The following ALDH1L2 variants were observed in gnomAD, a reference collection of about 807,000 sequenced individuals.
ALDH1L2 encodes aldehyde dehydrogenase 1 family member L2.
ALDH1L2 carries 91 observed loss-of-function variants against 111.0 expected under a neutral mutation model. The ratio of observed to expected loss-of-function variants is 0.82; its 90% confidence interval spans 0.69 to 0.98. The LOEUF (loss-of-function observed/expected upper bound fraction) is 0.98, where lower values mean the gene tolerates loss of function less well. Among genes scored for constraint, ALDH1L2 ranks in the 50% least tolerant of loss-of-function variants. The pLI, the probability that ALDH1L2 is intolerant of heterozygous loss-of-function variation, is 0.00. For missense variants in ALDH1L2, 995 were observed against 1,126.8 expected (o/e 0.88, Z 1.67); for synonymous variants, 374 against 392.6 (o/e 0.95, Z 0.56).
chr12:105,069,933 A>C (rs767502258), intron 3 of ALDH1L2, among the ~76,000 whole-genome samples: 17 of 152,208 alleles, frequency 1.1e-4, no homozygotes, highest in Non-Finnish European at 2.1e-4. Context: ...ATGGACAGTG[A>C]AGATGATCAT....
intron 1 of ALDH1L2, among the ~76,000 whole-genome samples, chr12:105,083,931 C>CGCTT (rs1386854283): frequency 4.6e-5 from 7 of 152,194 alleles, no homozygotes; most frequent in Admixed American, 4.6e-4. Flanking sequence ...CAGTCTCGAG[C>CGCTT]GCTTACACCT....
chr12:105,077,324 G>A (rs1447120176), intron 1 of ALDH1L2, among the ~76,000 whole-genome samples: 1 of 150,244 alleles, frequency 6.7e-6, no homozygotes, highest in African/African-American at 2.5e-5. Context: ...AGGCTTGAGT[G>A]CAATGGCGCC....
intron 1 of ALDH1L2, among the ~76,000 whole-genome samples, chr12:105,082,983 T>G (rs180817030): frequency 2.0e-5 from 3 of 152,376 alleles, no homozygotes; most frequent in Non-Finnish European, 4.4e-5. Flanking sequence ...CTTTTCCATA[T>G]GCACCCCTGC....
chr12:105,026,785 G>C (rs768606210), intron 21 of ALDH1L2, 41 bp from the exon 22 acceptor site: 1 of 1,601,906 alleles, frequency 6.2e-7, no homozygotes, highest in Admixed American at 1.7e-5. Flanking sequence ...TAAATGTAAA[G>C]CAAAAGACTC....
rs369050517 is a variant in ALDH1L2, at chr12:105,062,763, C to G, written c.921+125G>C. The G allele has an allele frequency of 2.2e-5, 27 of 1,224,490 alleles. No individual in the cohort carries two copies. The African/African-American group carries it at 3.7e-4, about 17-fold the overall frequency. The allele number at this position is 1,224,490 out of a possible 1,614,324, so 75.9% of individuals were successfully genotyped here. On this transcript the variant is annotated intron_variant, in intron 7 of 22. Transcript: ENST00000258494. ...GGGCCCATCTTGAGACACCTCATCT[C>G]CATCAGGGCACTCAGAGCCAGCTCC...
intron 10 of ALDH1L2, 47 bp from the exon 11 acceptor site, chr12:105,052,978 A>G: frequency 1.3e-6 from 2 of 1,599,910 alleles, no homozygotes; most frequent in South Asian, 1.1e-5. Context: ...GTGTTTACCA[A>G]TTTGATGTCA....
Position 105,068,773 on chromosome 12 carries a change from A to G in ALDH1L2, c.540T>C (p.Asp180=). Residue 180 remains aspartate (D), a synonymous_variant, in exon 4 of 23, where the codon GAT becomes GAC. Transcript: ENST00000258494. ...ACCGATTATAAAGTGCATCCACTGT[A>G]TCATTGGGTTCAACATCACATGATC... The part of the protein sequence containing the change: ...LQRSCDVEPN[D]TVDALYNRFL... 17 of 1,606,456 alleles carry G rather than the reference A, an allele frequency of 1.1e-5. No homozygotes were observed. The highest frequency in any genetic ancestry group is 1.4e-5 in the Non-Finnish European group (16 of 1,176,362).
At chr12:105,071,679 C>T (rs1385898069) in intron 2 of ALDH1L2, among the ~76,000 whole-genome samples, 4 of 44,198 alleles carry the variant, frequency 9.1e-5, no homozygotes, top group Non-Finnish European at 1.6e-4. Flanking sequence ...TTTTGTGAGA[C>T]GGAGTCTCGC....
intron 16 of ALDH1L2, 67 bp from the exon 17 acceptor site, chr12:105,039,873 G>A (rs1392154696): frequency 1.0e-5 from 14 of 1,398,704 alleles, no homozygotes; most frequent in African/African-American, 2.8e-5. Flanking sequence ...GCTTACGCCT[G>A]TAATCCCCGC....
chr12:105,070,638 T>C lies in ALDH1L2; in HGVS notation c.360A>G (p.Pro120=). Residue 120 remains proline, a synonymous_variant, in exon 3 of 23, where the codon CCA becomes CCG. Transcript: ENST00000258494. ...GGTGATAAATGATAGAGCCGTGCTT[T>C]GGACTATCAATTATATCCATGGGAA... ...QFIPMDIIDS[P]KHGSIIYHPS... is the part of the protein sequence containing the mutation. 6.2e-7 allele frequency: 1 copy of C among 1,614,176 alleles called. No homozygotes were observed. Among genetic ancestry groups the C allele is most frequent in the South Asian group, 1.1e-5 (1 of 91,086 alleles).
rs1406786538 is a variant in ALDH1L2, at chr12:105,021,758, T to C, written c.*2666A>G. 1 of 152,214 alleles carries C rather than the reference T, an allele frequency of 6.6e-6. No homozygotes were observed. The highest frequency in any genetic ancestry group is 2.4e-5 in the African/African-American group (1 of 41,446). The allele number at this position is 152,214 out of a possible 1,614,324, so 9.4% of individuals were successfully genotyped here. A position where few individuals can be genotyped will look rare whatever the true frequency, so the allele number is the denominator to read the frequency against. ...TGGTAGCTGTCATATCGTATTATTATTGACAGAAGGCCCATACTGGAGTTG... is the reference window on the plus strand; with the variant it reads ...TGGTAGCTGTCATATCGTATTATTACTGACAGAAGGCCCATACTGGAGTTG... On this transcript the variant is annotated 3_prime_UTR_variant, in exon 23 of 23. Coordinates refer to ENST00000258494, the MANE Select transcript of ALDH1L2 (RefSeq NM_001034173.4).
chr12:105,029,037 T>TC (rs1284441740), intron 21 of ALDH1L2, among the ~76,000 whole-genome samples: 3 of 151,534 alleles, frequency 2.0e-5, no homozygotes, highest in Non-Finnish European at 4.4e-5. Context: ...TTTTTTTTTT[T>TC]TTTTTTAGAG....
chr12:105,040,313 TGG>T (rs1875455737), intron 16 of ALDH1L2, among the ~76,000 whole-genome samples: 1 of 152,012 alleles, frequency 6.6e-6, no homozygotes, highest in Non-Finnish European at 1.5e-5. Context: ...AAAATAATGA[TGG>T]GTAAGCCTTG....
intron 22 of ALDH1L2, 66 bp downstream of exon 22, chr12:105,026,479 A>T: frequency 6.3e-7 from 1 of 1,579,796 alleles, no homozygotes; most frequent in East Asian, 2.2e-5. Context: ...AAGTCATGAA[A>T]CATAGAGCAG....
Position 105,051,791 on chromosome 12 carries a change from C to CTT in ALDH1L2, c.1535+297_1535+298dup, listed in dbSNP as rs199608356. On this transcript the variant is annotated intron_variant, in intron 12 of 22. Coordinates refer to ENST00000258494, the MANE Select transcript of ALDH1L2 (RefSeq NM_001034173.4). ...CACTTTGTTTTGCTTCTTTTTTTTC[C>CTT]TTTTTTTTTTTGAGACAGAGTCTTG... Among the ~76,000 whole-genome samples the CTT allele has an allele frequency of 3.1e-4, 45 of 147,064 alleles. 1 individual carries two copies. The highest frequency in any genetic ancestry group is 6.0e-4 in the African/African-American group (24 of 40,182).
chr12:105,036,790 T>TG (rs146603482), intron 18 of ALDH1L2, among the ~76,000 whole-genome samples: 1,752 of 151,876 alleles, frequency 0.012, 27 homozygotes, highest in African/African-American at 0.04. Flanking sequence ...GTCTTGGGTT[T>TG]GGGGTTCTTA....
At chr12:105,043,033 G>T (rs1348853403) in intron 15 of ALDH1L2, among the ~76,000 whole-genome samples, 2 of 152,186 alleles carry the variant, frequency 1.3e-5, no homozygotes, top group Non-Finnish European at 2.9e-5. Flanking sequence ...AGCTGACAAA[G>T]ATATGAAATA....
chr12:105,044,096 C>T (rs1451099875), intron 15 of ALDH1L2, among the ~76,000 whole-genome samples: 2 of 152,148 alleles, frequency 1.3e-5, no homozygotes, highest in South Asian at 2.1e-4. Context: ...GTCTTTCATT[C>T]TCAGGATTTA....
chr12:105,030,251 A>G (rs1874627326), intron 21 of ALDH1L2, 73 bp downstream of exon 21: 1 of 1,125,718 alleles, frequency 8.9e-7, no homozygotes, highest in Non-Finnish European at 1.3e-6. Context: ...TGCTGTGTAT[A>G]TAGCACAGTG....
Sources: allele counts gnomAD v4.1 joint callset (sites outside exome capture counted in the v4.1 genomes callset), GRCh38; gene constraint gnomAD v4.1.1; transcripts MANE v1.5; gene names NCBI Gene and HGNC (gene_info 2026-07-23, HGNC 2026-07-21).